SHANK2: variants seen among roughly 807,000 people sequenced by gnomAD.
SHANK2 encodes the protein SH3 and multiple ankyrin repeat domains protein 2.
Under a neutral mutation model 133.7 loss-of-function variants are expected in SHANK2, and 43 were observed. That is an observed-to-expected ratio of 0.32 (90% CI 0.25 to 0.41). SHANK2 has a LOEUF of 0.41. SHANK2 is among the 10% of genes least tolerant of loss of function. The pLI is 1.00. For missense variants in SHANK2, 1,994 were observed against 2,235.8 expected (o/e 0.89, Z 2.18); for synonymous variants, 1,017 against 952.8 (o/e 1.07, Z -1.24).
Position 70,622,250 on chromosome 11 carries a change from G to A in SHANK2, c.2061+37578C>T, listed in dbSNP as rs149274737. Among the ~76,000 whole-genome samples, 12 of 152,154 alleles carry A rather than the reference G, an allele frequency of 7.9e-5. No individual in the cohort carries two copies. In the East Asian group the frequency reaches 1.2e-3, roughly 15 times the overall value. ...TCCCCTGCCTGCCAAAGGCTTCCCCGTCTCAGCAAAGGGCCCCACAGCTGC... is the reference window on the plus strand; with the variant it reads ...TCCCCTGCCTGCCAAAGGCTTCCCCATCTCAGCAAAGGGCCCCACAGCTGC... On this transcript the variant is annotated intron_variant, in intron 17 of 25. Transcript: ENST00000601538.
rs953204505 is a variant in SHANK2, at chr11:70,523,995, C to G, written c.2062-21064G>C. Among the ~76,000 whole-genome samples the G allele has an allele frequency of 5.3e-5, 8 of 152,264 alleles. 1 individual carries two copies. The highest frequency in any genetic ancestry group is 1.9e-4 in the East Asian group (1 of 5,176). On this transcript the variant is annotated intron_variant, in intron 17 of 25. Transcript: ENST00000601538. ...ATACCTGGCACATGAGGGGGCCTGG[C>G]CATATTTGCAGCGTGACTAGCAAGG...
intron 17 of SHANK2, among the ~76,000 whole-genome samples, chr11:70,515,239 A>G (rs1554969790): frequency 6.6e-6 from 1 of 152,138 alleles, no homozygotes; most frequent in Non-Finnish European, 1.5e-5. Flanking sequence ...TGGTTTCACC[A>G]TGTTGCCCAG....
At chr11:70,560,541 A>G (rs2059896011) in intron 17 of SHANK2, among the ~76,000 whole-genome samples, 1 of 104 alleles carries the variant, frequency 9.6e-3, no homozygotes, top group South Asian at 0.17. Flanking sequence ...TGTAAAATTC[A>G]TGGGAAATGC....
Position 70,799,324 on chromosome 11 carries a change from C to T in SHANK2, c.1664-768G>A, listed in dbSNP as rs149108512. On this transcript the variant is annotated intron_variant, in intron 13 of 25. Transcript: ENST00000601538. ...GGCTGAGGCAGGAGAATCACTTGAA[C>T]CCGGAAGATGGAAGTTGCAGTGAGC... Among the ~76,000 whole-genome samples the T allele has an allele frequency of 2.1e-3, 326 of 152,196 alleles. 2 individuals are homozygous for T. The highest frequency in any genetic ancestry group is 8.7e-3 in the South Asian group (42 of 4,814).
At chr11:70,818,412 G>A (rs1350119285) in intron 12 of SHANK2, among the ~76,000 whole-genome samples, 1 of 152,122 alleles carries the variant, frequency 6.6e-6, no homozygotes, top group Non-Finnish European at 1.5e-5. Context: ...CAATACACCC[G>A]GCTGCTTCTC....
intron 17 of SHANK2, among the ~76,000 whole-genome samples, chr11:70,514,640 T>A (rs2059243864): frequency 6.6e-6 from 1 of 152,076 alleles, no homozygotes. Flanking sequence ...TTACATGGAG[T>A]GTACAATTTG....
chr11:71,129,883 C>T (rs373806720), intron 3 of SHANK2, among the ~76,000 whole-genome samples: 28 of 152,280 alleles, frequency 1.8e-4, no homozygotes, highest in African/African-American at 6.0e-4. Context: ...CTGCTTAAAC[C>T]GCAGACATTT....
At chr11:71,214,195 C>T (rs1399544703) in intron 2 of SHANK2, among the ~76,000 whole-genome samples, 1 of 152,200 alleles carries the variant, frequency 6.6e-6, no homozygotes, top group Admixed American at 6.5e-5. Context: ...AGGGCTCATG[C>T]CCCCTGCTCT....
chr11:71,221,818 C>T (rs1252846090), intron 2 of SHANK2, among the ~76,000 whole-genome samples: 1 of 152,062 alleles, frequency 6.6e-6, no homozygotes, highest in South Asian at 2.1e-4. Context: ...GGTGCCTAGG[C>T]GCTGGGAGTC....
intron 15 of SHANK2, among the ~76,000 whole-genome samples, chr11:70,674,360 C>T (rs1345801222): frequency 3.4e-5 from 5 of 147,166 alleles, no homozygotes. Context: ...ATGATGTCCC[C>T]TTTTTTTTTT....
rs527563848 is a variant in SHANK2 at position 70,767,289 on chromosome 11, C to T, written c.1777+31154G>A. On this transcript the variant is annotated intron_variant, in intron 14 of 25. Coordinates refer to ENST00000601538, the MANE Select transcript of SHANK2 (RefSeq NM_012309.5). Reference sequence around the variant, plus strand: ...GATCCCAGAATGTAAGAAAGTTTGGCGGTTTTTCGAAAAGTTAAACACAGA... The same window carrying T: ...GATCCCAGAATGTAAGAAAGTTTGGTGGTTTTTCGAAAAGTTAAACACAGA... Among the ~76,000 whole-genome samples the T allele has an allele frequency of 4.6e-5, 7 of 152,268 alleles. 1 individual carries two copies. The South Asian group carries it at 1.5e-3, about 32-fold the overall frequency.
chr11:70,749,684 GA>G (rs1555037064), intron 14 of SHANK2, among the ~76,000 whole-genome samples: 1 of 152,104 alleles, frequency 6.6e-6, no homozygotes, highest in Non-Finnish European at 1.5e-5. Context: ...GGAACCAAAT[GA>G]AAATGTTAAA....
At chr11:70,768,491 T>C (rs1430030444) in intron 14 of SHANK2, among the ~76,000 whole-genome samples, 2 of 151,194 alleles carry the variant, frequency 1.3e-5, no homozygotes, top group Non-Finnish European at 3.0e-5. Flanking sequence ...AGTGGGGAGG[T>C]GGCCTGGCCC....
intron 6 of SHANK2, among the ~76,000 whole-genome samples, chr11:71,109,345 A>G (rs557889416): frequency 6.6e-6 from 1 of 152,302 alleles, no homozygotes; most frequent in South Asian, 2.1e-4. Flanking sequence ...GGTTGTCACA[A>G]CTAGGGGTTG....
chr11:70,661,544 C>G (rs2061490050), intron 16 of SHANK2, 52 bp downstream of exon 16: 1 of 1,332,730 alleles, frequency 7.5e-7, no homozygotes. Flanking sequence ...CACACACACA[C>G]ACACACACAC....
At chr11:71,236,484 C>A (rs948670530) in intron 1 of SHANK2, among the ~76,000 whole-genome samples, 9 of 152,178 alleles carry the variant, frequency 5.9e-5, no homozygotes, top group African/African-American at 2.2e-4. Context: ...TGGTGGCATG[C>A]ACCTATAGTC....
chr11:70,678,751 C>A lies in SHANK2; in HGVS notation c.1854-17073G>T, dbSNP rs1393400414. ...AGAGACAGGGTTTCACCATGTTGGC[C>A]AGGTTGGTCTCAAATTCCTGACCTT... On this transcript the variant is annotated intron_variant, in intron 15 of 25. Transcript: ENST00000601538. Among the ~76,000 whole-genome samples, 3 of 151,982 alleles carry A rather than the reference C, an allele frequency of 2.0e-5. No homozygotes were observed. In the East Asian group the frequency reaches 5.8e-4, roughly 29 times the overall value.
intron 11 of SHANK2, among the ~76,000 whole-genome samples, chr11:70,856,303 T>C (rs1289265277): frequency 1.3e-5 from 2 of 150,444 alleles, no homozygotes; most frequent in Non-Finnish European, 1.5e-5. Context: ...GATGAATGGA[T>C]GGGTGACTGG....
chr11:71,200,156 C>T (rs909931567), intron 2 of SHANK2, among the ~76,000 whole-genome samples: 3 of 152,226 alleles, frequency 2.0e-5, no homozygotes, highest in African/African-American at 4.8e-5. Flanking sequence ...AACTGCTAGT[C>T]TATTTTCTGC....
Sources: gnomAD v4.1 joint callset for allele counts (sites outside exome capture counted in the v4.1 genomes callset) on GRCh38, gnomAD v4.1.1 for gene constraint, MANE v1.5 for transcripts, NCBI Gene and HGNC (gene_info 2026-07-23, HGNC 2026-07-21) for gene names.